Variants in ALCAM observed in about 807,000 individuals in gnomAD.
ALCAM encodes the protein CD166 antigen.
In ALCAM, 30 loss-of-function variants were observed where a neutral mutation model predicts 70.9. The ratio of observed to expected loss-of-function variants is 0.42; its 90% CI spans 0.32 to 0.57. The LOEUF (loss-of-function observed/expected upper bound fraction) is 0.57, where lower values mean the gene tolerates loss of function less well. Ranked by LOEUF, ALCAM falls within the 20% of genes least tolerant of loss-of-function variation. The pLI is 0.11. For missense variants in ALCAM, 591 were observed against 695.1 expected, an observed-to-expected ratio of 0.85 and a Z score of 1.68; for synonymous variants, 249 against 242.5, an observed-to-expected ratio of 1.03 and a Z score of -0.25.
chr3:105,552,428 C>T, intron 13 of ALCAM, 40 bp from the exon 14 acceptor site: 7 of 1,578,404 alleles, frequency 4.4e-6, no homozygotes, highest in South Asian at 1.1e-5. Flanking sequence ...AAATCCTTGG[C>T]ATTGTCTGTA....
At chr3:105,452,261 C>T (rs1937446894) in intron 1 of ALCAM, among the ~76,000 whole-genome samples, 1 of 152,020 alleles carries the variant, frequency 6.6e-6, no homozygotes, top group South Asian at 2.1e-4. Context: ...TTTTTCCCCT[C>T]TCTGTGTCCA....
intron 1 of ALCAM, among the ~76,000 whole-genome samples, chr3:105,376,734 G>T (rs1312114115): frequency 6.6e-6 from 1 of 152,158 alleles, no homozygotes; most frequent in African/African-American, 2.4e-5. Flanking sequence ...GAGAAACTCA[G>T]AAAACGTCTA....
intron 1 of ALCAM, among the ~76,000 whole-genome samples, chr3:105,474,609 G>C (rs1478918341): frequency 6.6e-6 from 1 of 151,530 alleles, no homozygotes; most frequent in Non-Finnish European, 1.5e-5. Context: ...AAAAAAGAGA[G>C]AGAGAGAGAG....
At chr3:105,545,146 C>T in intron 8 of ALCAM, 77 bp from the exon 9 acceptor site, 1 of 962,792 alleles carries the variant, frequency 1.0e-6, no homozygotes, top group Non-Finnish European at 1.7e-6. Flanking sequence ...TATTTTCTTT[C>T]ATCTTTTCTT....
intron 3 of ALCAM, 128 bp downstream of exon 3, chr3:105,524,636 G>C: frequency 7.0e-7 from 1 of 1,438,096 alleles, no homozygotes; most frequent in Admixed American, 2.8e-5. Context: ...GGGACTTAAA[G>C]AGATCTTCAT....
At chr3:105,537,861 A>G (rs1331178188) in intron 6 of ALCAM, among the ~76,000 whole-genome samples, 1 of 152,156 alleles carries the variant, frequency 6.6e-6, no homozygotes, top group African/African-American at 2.4e-5. Context: ...GGCTTGCACA[A>G]TATAGATGCC....
chr3:105,539,920 C>T (rs908129528), intron 6 of ALCAM, 55 bp from the exon 7 acceptor site: 3 of 1,588,838 alleles, frequency 1.9e-6, no homozygotes, highest in East Asian at 4.5e-5. Context: ...ATTGTATGCA[C>T]AGAGTAATTC....
At chr3:105,563,561 C>G (rs980070930) in intron 14 of ALCAM, among the ~76,000 whole-genome samples, 5 of 151,354 alleles carry the variant, frequency 3.3e-5, no homozygotes, top group Non-Finnish European at 7.4e-5. Flanking sequence ...TACCTGTGTT[C>G]CACAAATATC....
chr3:105,488,563 G>A (rs1481014052), intron 1 of ALCAM, among the ~76,000 whole-genome samples: 1 of 151,828 alleles, frequency 6.6e-6, no homozygotes, highest in Non-Finnish European at 1.5e-5. Context: ...TTACACTAAT[G>A]TGTGGGAAAA....
chr3:105,419,732 C>T (rs769761610), intron 1 of ALCAM, among the ~76,000 whole-genome samples: 6 of 151,792 alleles, frequency 4.0e-5, no homozygotes, highest in Non-Finnish European at 8.8e-5. Context: ...ATTGAAGTAG[C>T]TGCTGCTTAT....
chr3:105,513,113 G>T (rs1939281036), intron 1 of ALCAM, among the ~76,000 whole-genome samples: 1 of 140,006 alleles, frequency 7.1e-6, no homozygotes, highest in South Asian at 2.2e-4. Context: ...CGCATACAGA[G>T]CATGAAGTAT....
At chr3:105,542,899 G>A (rs930035719) in intron 8 of ALCAM, among the ~76,000 whole-genome samples, 1 of 151,696 alleles carries the variant, frequency 6.6e-6, no homozygotes, top group Admixed American at 6.6e-5. Flanking sequence ...GCTTGGGTTT[G>A]AATGTGTCTC....
chr3:105,508,417 T>C (rs1292953750), intron 1 of ALCAM, among the ~76,000 whole-genome samples: 2 of 152,162 alleles, frequency 1.3e-5, no homozygotes, highest in Admixed American at 6.5e-5. Flanking sequence ...CAGTTTCCTA[T>C]TGGTAAAATG....
chr3:105,548,926 A>C (rs1940318653), intron 11 of ALCAM, among the ~76,000 whole-genome samples: 1 of 151,498 alleles, frequency 6.6e-6, no homozygotes, highest in Admixed American at 6.6e-5. Flanking sequence ...AGGTACTGGT[A>C]ATACAGACAT....
intron 4 of ALCAM, among the ~76,000 whole-genome samples, chr3:105,532,464 A>G (rs984753503): frequency 2.6e-5 from 4 of 152,130 alleles, no homozygotes; most frequent in African/African-American, 7.2e-5. Flanking sequence ...TTAGCTGGGC[A>G]TAGCGGTACA....
intron 1 of ALCAM, among the ~76,000 whole-genome samples, chr3:105,516,785 A>G (rs534643213): frequency 6.6e-6 from 1 of 152,234 alleles, no homozygotes; most frequent in East Asian, 1.9e-4. Context: ...CATACAGAAC[A>G]CACTTATACA....
At chr3:105,370,305 AT>A (rs1021962316) in intron 1 of ALCAM, among the ~76,000 whole-genome samples, 3 of 152,164 alleles carry the variant, frequency 2.0e-5, no homozygotes, top group African/African-American at 7.2e-5. Context: ...ATATATATAT[AT>A]TTTTTCCTTA....
At chr3:105,377,712 A>G (rs999025547) in intron 1 of ALCAM, among the ~76,000 whole-genome samples, 2 of 152,086 alleles carry the variant, frequency 1.3e-5, no homozygotes, top group African/African-American at 4.8e-5. Context: ...TTCTTTCTAC[A>G]TAAGATTGCT....
At chr3:105,520,478 C>A (rs1325085034) in intron 2 of ALCAM, among the ~76,000 whole-genome samples, 1 of 152,050 alleles carries the variant, frequency 6.6e-6, no homozygotes, top group Non-Finnish European at 1.5e-5. Context: ...TAGGACAGAC[C>A]TCAGTGGAGG....
Sources: allele counts gnomAD v4.1 joint callset (sites outside exome capture counted in the v4.1 genomes callset), GRCh38; gene constraint gnomAD v4.1.1; transcripts MANE v1.5; gene names NCBI Gene and HGNC (gene_info 2026-07-23, HGNC 2026-07-21).